PALLD: variants seen among roughly 807,000 people sequenced by gnomAD.
The protein encoded by PALLD is palladin.
In PALLD, 61 loss-of-function variants were observed where a neutral mutation model predicts 123.5. The observed-to-expected ratio is 0.49, with a 90% CI of 0.40 to 0.61. PALLD has a LOEUF of 0.61. Among genes scored for constraint, PALLD ranks in the 20% least tolerant of loss-of-function variants. The probability of loss-of-function intolerance (pLI) is 0.00; values close to 1 mark genes in which losing one functional copy is unlikely to be tolerated. For synonymous variants in PALLD, 465 were observed against 496.4 expected (o/e 0.94, Z 0.84); for missense variants, 1,273 against 1,377.0 (o/e 0.92, Z 1.20).
chr4:168,532,436 T>G (rs773098632), intron 2 of PALLD, among the ~76,000 whole-genome samples: 28 of 152,160 alleles, frequency 1.8e-4, no homozygotes, highest in Admixed American at 9.2e-4. Flanking sequence ...TCTCTATCTC[T>G]ACCAAAATGA....
chr4:168,600,030 C>CATACATGTGTATACACACATAT (rs1554048292), intron 2 of PALLD, among the ~76,000 whole-genome samples: 1,842 of 144,134 alleles, frequency 0.013, 163 homozygotes, highest in African/African-American at 0.046. Flanking sequence ...TGTACACACA[C>CATACATGTGTATACACACATAT]ATACATACAT....
intron 2 of PALLD, among the ~76,000 whole-genome samples, chr4:168,589,547 C>T (rs1771191436): frequency 7.5e-6 from 1 of 133,496 alleles, no homozygotes; most frequent in Admixed American, 7.7e-5. Flanking sequence ...CAACCCCCAC[C>T]ACCAAAAACT....
chr4:168,682,213 G>A (rs1487373584), intron 4 of PALLD, among the ~76,000 whole-genome samples: 1 of 152,068 alleles, frequency 6.6e-6, no homozygotes, highest in East Asian at 1.9e-4. Flanking sequence ...AAATCTACCA[G>A]AAATTCCTAT....
chr4:168,719,888 T>C (rs1252864951), intron 10 of PALLD, among the ~76,000 whole-genome samples: 1 of 152,224 alleles, frequency 6.6e-6, no homozygotes, highest in Non-Finnish European at 1.5e-5. Context: ...ACTTTGTCCA[T>C]GTTGCTGGGA....
At chr4:168,847,002 G>A (rs1258203997) in intron 10 of PALLD, among the ~76,000 whole-genome samples, 1 of 152,218 alleles carries the variant, frequency 6.6e-6, no homozygotes, top group Non-Finnish European at 1.5e-5. Context: ...CTGGTTGAAA[G>A]GGGACTGGAA....
intron 8 of PALLD, among the ~76,000 whole-genome samples, chr4:168,705,394 G>A (rs143628728): frequency 3.2e-4 from 49 of 152,274 alleles, no homozygotes; most frequent in Middle Eastern, 3.4e-3. Flanking sequence ...GCTTCTAGGA[G>A]CTGTTCATGG....
chr4:168,515,187 CT>C (rs1762878383), intron 2 of PALLD, among the ~76,000 whole-genome samples: 1 of 152,156 alleles, frequency 6.6e-6, no homozygotes, highest in African/African-American at 2.4e-5. Flanking sequence ...CTTGATCCTC[CT>C]TGTCATGTAT....
chr4:168,523,053 CA>C (rs1002108204), intron 2 of PALLD, among the ~76,000 whole-genome samples: 1 of 151,876 alleles, frequency 6.6e-6, no homozygotes, highest in African/African-American at 2.4e-5. Flanking sequence ...TGTTGTGGTC[CA>C]AAAAATGTAA....
chr4:168,705,629 A>G (rs1310318051), intron 8 of PALLD, among the ~76,000 whole-genome samples: 1 of 151,994 alleles, frequency 6.6e-6, no homozygotes, highest in African/African-American at 2.4e-5. Flanking sequence ...TTAAATTAGC[A>G]TTTTTGGCTT....
At chr4:168,785,299 C>T (rs1393507824) in intron 10 of PALLD, among the ~76,000 whole-genome samples, 1 of 152,044 alleles carries the variant, frequency 6.6e-6, no homozygotes, top group East Asian at 1.9e-4. Context: ...GCTGTTTGTT[C>T]GACATCCGAA....
At chr4:168,534,205 G>T (rs572900675) in intron 2 of PALLD, among the ~76,000 whole-genome samples, 1 of 152,248 alleles carries the variant, frequency 6.6e-6, no homozygotes, top group African/African-American at 2.4e-5. Context: ...GTCAATTCCT[G>T]AACCAGGAAT....
At chr4:168,577,386 C>T (rs1769734925) in intron 2 of PALLD, among the ~76,000 whole-genome samples, 1 of 152,132 alleles carries the variant, frequency 6.6e-6, no homozygotes, top group South Asian at 2.1e-4. Flanking sequence ...GAGTCCTTCT[C>T]AGGCCATATT....
intron 10 of PALLD, among the ~76,000 whole-genome samples, chr4:168,731,992 T>C (rs1257452108): frequency 6.6e-6 from 1 of 152,248 alleles, no homozygotes; most frequent in Non-Finnish European, 1.5e-5. Flanking sequence ...TACACATGGA[T>C]GGTGAAAGGC....
chr4:168,531,911 A>C (rs1404429827), intron 2 of PALLD, among the ~76,000 whole-genome samples: 2 of 152,058 alleles, frequency 1.3e-5, no homozygotes, highest in African/African-American at 4.8e-5. Context: ...TCTTTTTTTA[A>C]AGATTTTTAC....
At chr4:168,578,302 T>C (rs1373399546) in intron 2 of PALLD, among the ~76,000 whole-genome samples, 2 of 151,906 alleles carry the variant, frequency 1.3e-5, no homozygotes, top group Non-Finnish European at 2.9e-5. Flanking sequence ...TCTTGAATTG[T>C]AGTTTCCATA....
At chr4:168,875,774 C>T (rs910181624) in intron 10 of PALLD, among the ~76,000 whole-genome samples, 1 of 152,218 alleles carries the variant, frequency 6.6e-6, no homozygotes, top group African/African-American at 2.4e-5. Context: ...AATGAATAAG[C>T]TGACCCATGG....
intron 2 of PALLD, among the ~76,000 whole-genome samples, chr4:168,574,651 A>G (rs56077865): frequency 0.092 from 14,030 of 152,100 alleles, 726 homozygotes; most frequent in South Asian, 0.17. Flanking sequence ...TGGGGAATGA[A>G]TCATTCCCCA....
chr4:168,821,879 CAAAAAAAA>C (rs910886193), intron 10 of PALLD, among the ~76,000 whole-genome samples: 1 of 58,290 alleles, frequency 1.7e-5, no homozygotes. Context: ...AACGCTGTCT[CAAAAAAAA>C]AAAAAAAAAA....
At chr4:168,813,792 A>G (rs1741519510) in intron 10 of PALLD, among the ~76,000 whole-genome samples, 1 of 152,132 alleles carries the variant, frequency 6.6e-6, no homozygotes, top group African/African-American at 2.4e-5. Flanking sequence ...TTAAATGGTA[A>G]ACTTGATCTG....
Sources: allele counts gnomAD v4.1 joint callset (sites outside exome capture counted in the v4.1 genomes callset), GRCh38; gene constraint gnomAD v4.1.1; transcripts MANE v1.5; gene names NCBI Gene and HGNC (gene_info 2026-07-23, HGNC 2026-07-21).